Variants in MEI4 observed in about 807,000 individuals in gnomAD.
MEI4 encodes meiosis-specific protein MEI4.
MEI4 carries 27 observed loss-of-function variants against 31.4 expected under a neutral mutation model. That is an observed-to-expected ratio of 0.86 (90% CI 0.63 to 1.19). The LOEUF is 1.19. Among genes scored for constraint, MEI4 ranks in the 50% most tolerant of loss-of-function variants. MEI4 has a pLI of 0.00. For missense variants in MEI4, 329 were observed against 398.9 expected, an observed-to-expected ratio of 0.82 and a Z score of 1.49; for synonymous variants, 122 against 145.4, an observed-to-expected ratio of 0.84 and a Z score of 1.16.
At chr6:77,770,000 C>T (rs1200650020) in intron 3 of MEI4, among the ~76,000 whole-genome samples, 1 of 151,776 alleles carries the variant, frequency 6.6e-6, no homozygotes, top group Non-Finnish European at 1.5e-5. Context: ...CTTTATCTTG[C>T]AGCCTGGTAC....
intron 3 of MEI4, among the ~76,000 whole-genome samples, chr6:77,769,177 A>G (rs981352049): frequency 6.6e-6 from 1 of 152,168 alleles, no homozygotes; most frequent in Non-Finnish European, 1.5e-5. Context: ...TGGCACAGAA[A>G]GATGATCTGT....
chr6:77,688,426 C>G (rs1421600172), intron 1 of MEI4, among the ~76,000 whole-genome samples: 1 of 152,062 alleles, frequency 6.6e-6, no homozygotes, highest in African/African-American at 2.4e-5. Context: ...ATGACCCTGA[C>G]CTTGATATAG....
chr6:77,783,756 A>G (rs536077925), intron 3 of MEI4, among the ~76,000 whole-genome samples: 6 of 152,142 alleles, frequency 3.9e-5, no homozygotes, highest in African/African-American at 7.2e-5. Context: ...TGCCAGTAGG[A>G]TATTCTTTTC....
intron 2 of MEI4, among the ~76,000 whole-genome samples, chr6:77,731,543 AG>A (rs1766992420): frequency 6.7e-6 from 1 of 148,502 alleles, no homozygotes; most frequent in African/African-American, 2.5e-5. Context: ...TTGTCAGATG[AG>A]TAGGTTGTGA....
At chr6:77,813,662 T>C (rs1440159911) in intron 3 of MEI4, among the ~76,000 whole-genome samples, 3 of 152,090 alleles carry the variant, frequency 2.0e-5, no homozygotes, top group African/African-American at 7.2e-5. Context: ...TCCCTGAGCA[T>C]TATTTCCTTT....
At chr6:77,826,815 CTT>C (rs761830949) in intron 3 of MEI4, among the ~76,000 whole-genome samples, 11 of 152,124 alleles carry the variant, frequency 7.2e-5, no homozygotes, top group Non-Finnish European at 1.3e-4. Flanking sequence ...ACCTAATTAA[CTT>C]TACAATAATT....
intron 4 of MEI4, among the ~76,000 whole-genome samples, chr6:77,901,267 T>G (rs1482759037): frequency 6.6e-6 from 1 of 151,942 alleles, no homozygotes; most frequent in African/African-American, 2.4e-5. Flanking sequence ...GCTAGCAACA[T>G]TTTTTTGAAT....
At chr6:77,748,551 T>C (rs1214434991) in intron 2 of MEI4, among the ~76,000 whole-genome samples, 4 of 152,180 alleles carry the variant, frequency 2.6e-5, no homozygotes, top group Non-Finnish European at 5.9e-5. Flanking sequence ...CATTTTATCC[T>C]ACTAGGCCTG....
intron 3 of MEI4, among the ~76,000 whole-genome samples, chr6:77,782,086 A>G (rs1177588303): frequency 1.3e-5 from 2 of 152,134 alleles, no homozygotes; most frequent in Non-Finnish European, 2.9e-5. Context: ...CTGAGAAGTC[A>G]CAGGTCACTG....
rs1315841989 is a variant in MEI4 at position 77,705,328 on chromosome 6, GTACA to G, written c.232+14428_232+14431del. Among the ~76,000 whole-genome samples, 4 of 152,204 alleles carry G rather than the reference GTACA, an allele frequency of 2.6e-5. No homozygotes were observed. In the East Asian group the frequency reaches 7.7e-4, roughly 29 times the overall value. On this transcript the variant is annotated intron_variant, in intron 2 of 4. Coordinates refer to ENST00000684080, the MANE Select transcript of MEI4 (RefSeq NM_001322247.2). ...TACTATTATATCAATCCATAGAAAA[GTACA>G]TAAAGTGACATAGCTAAAAAGAAAT... is the stretch of plus-strand genomic sequence containing the variant.
At chr6:77,660,089 G>C (rs1768475740) in intron 1 of MEI4, among the ~76,000 whole-genome samples, 1 of 152,204 alleles carries the variant, frequency 6.6e-6, no homozygotes, top group African/African-American at 2.4e-5. Flanking sequence ...AGGAAGTTCG[G>C]AGGTGTAGGG....
intron 4 of MEI4, among the ~76,000 whole-genome samples, chr6:77,875,205 C>T (rs1285923548): frequency 6.6e-6 from 1 of 152,114 alleles, no homozygotes; most frequent in Non-Finnish European, 1.5e-5. Flanking sequence ...TATTTGTTTT[C>T]TTCATTTTAC....
At chr6:77,851,088 T>TATC (rs566983662) in intron 4 of MEI4, among the ~76,000 whole-genome samples, 336 of 152,292 alleles carry the variant, frequency 2.2e-3, no homozygotes, top group African/African-American at 7.3e-3. Context: ...CACAATGAGA[T>TATC]ATCATCTCAC....
chr6:77,790,414 T>A (rs2203221), intron 3 of MEI4, among the ~76,000 whole-genome samples: 1 of 151,624 alleles, frequency 6.6e-6, no homozygotes, highest in African/African-American at 2.4e-5. Flanking sequence ...GAAAATAACA[T>A]TGAATGATAA....
chr6:77,732,040 A>T (rs1355948359), intron 2 of MEI4, among the ~76,000 whole-genome samples: 1 of 148,328 alleles, frequency 6.7e-6, no homozygotes, highest in Non-Finnish European at 1.5e-5. Context: ...GCTTTGTAGT[A>T]TAGTTTGAAG....
At chr6:77,734,172 C>A (rs1052573671) in intron 2 of MEI4, among the ~76,000 whole-genome samples, 1 of 151,884 alleles carries the variant, frequency 6.6e-6, no homozygotes, top group South Asian at 2.1e-4. Context: ...AGTTCAATTC[C>A]TGGGTATCCT....
At chr6:77,757,193 G>T (rs1767938820) in intron 2 of MEI4, among the ~76,000 whole-genome samples, 1 of 152,180 alleles carries the variant, frequency 6.6e-6, no homozygotes, top group African/African-American at 2.4e-5. Flanking sequence ...CAGTTGAATT[G>T]TTTGATGAAG....
intron 4 of MEI4, among the ~76,000 whole-genome samples, chr6:77,862,079 A>T (rs1209736833): frequency 7.1e-6 from 1 of 140,596 alleles, no homozygotes; most frequent in Non-Finnish European, 1.5e-5. Flanking sequence ...AAAAAAAAAA[A>T]TGGAGGGTGG....
At chr6:77,740,469 A>G (rs1224257959) in intron 2 of MEI4, among the ~76,000 whole-genome samples, 5 of 152,188 alleles carry the variant, frequency 3.3e-5, no homozygotes, top group African/African-American at 4.8e-5. Flanking sequence ...TTTCTCAAAA[A>G]TGCTTTGCAA....
Sources: gnomAD v4.1 joint callset for allele counts (sites outside exome capture counted in the v4.1 genomes callset) on GRCh38, gnomAD v4.1.1 for gene constraint, MANE v1.5 for transcripts, NCBI Gene and HGNC (gene_info 2026-07-23, HGNC 2026-07-21) for gene names.